Variants in TRIM67 observed in about 807,000 individuals in gnomAD.
TRIM67 encodes the protein tripartite motif-containing protein 67.
TRIM67 carries 39 observed loss-of-function variants against 71.0 expected under a neutral mutation model. That is an observed-to-expected ratio of 0.55 (90% CI 0.43 to 0.72). The LOEUF (loss-of-function observed/expected upper bound fraction) is 0.72. TRIM67 is among the 30% of genes least tolerant of loss of function. The pLI is 0.00. For missense variants in TRIM67, 973 were observed against 1,079.2 expected, an observed-to-expected ratio of 0.90 and a Z score of 1.38; for synonymous variants, 481 against 473.9, an observed-to-expected ratio of 1.01 and a Z score of -0.19.
chr1:231,205,090 A>C (rs1162912418), intron 6 of TRIM67, among the ~76,000 whole-genome samples: 1 of 152,212 alleles, frequency 6.6e-6, no homozygotes, highest in East Asian at 1.9e-4. Context: ...AGTATTTTTG[A>C]AATGGGAAGA....
In TRIM67 at chr1:231,200,205, A is replaced by G. The variant is rs780106863; in HGVS notation, c.1321A>G (p.Met441Val). The G allele has an allele frequency of 6.2e-7, 1 of 1,613,942 alleles. No homozygotes were observed. Among genetic ancestry groups the G allele is most frequent in the South Asian group, 1.1e-5 (1 of 91,068 alleles). Reference protein sequence around the residue: ...TLKLRQSTGLMEYCLEVIKEN... With the variant: ...TLKLRQSTGLVEYCLEVIKEN... ...GAAGCTGCGTCAGTCCACCGGACTG[A>G]TGGAGTACTGCCTGGAGGTGATCAA... The change falls in exon 4 of 10, where the codon ATG (methionine) becomes GTG (valine). Residue 441 changes from methionine (M) to valine (V), a missense_variant. By Grantham distance (21) the Met-to-Val change is conservative (BLOSUM62 1). This residue lies in a region of TRIM67 where 795 missense variants were observed against 831.3 expected (regional missense o/e 0.96). Coordinates refer to ENST00000366653, the MANE Select transcript of TRIM67 (RefSeq NM_001004342.5).
chr1:231,199,095 C>A lies in TRIM67; in HGVS notation c.1189C>A (p.Leu397Ile). The A allele has an allele frequency of 6.2e-7, 1 of 1,614,000 alleles. No individual in the cohort carries two copies. The highest frequency in any genetic ancestry group is 8.5e-7 in the Non-Finnish European group (1 of 1,179,884). ...EACLVAQCDA[L>I]VDALTRQKAK... ...CTGCCTCGTTGCTCAGTGTGATGCCCTTGTGGATGCTTTAACTCGTCAGAA... is the reference window on the plus strand; with the variant it reads ...CTGCCTCGTTGCTCAGTGTGATGCCATTGTGGATGCTTTAACTCGTCAGAA... The change falls in exon 3 of 10, where the codon CTT becomes ATT. Residue 397 changes from leucine (L) to isoleucine (I), a missense_variant. Physicochemically the swap from Leu to Ile is conservative, Grantham distance 5. Around this residue, in one of 2 missense-constraint regions of TRIM67, gnomAD observed 795 missense variants for 831.3 expected, o/e 0.96. Transcript: ENST00000366653.
chr1:231,215,739 T>C lies in TRIM67; in HGVS notation c.*299T>C. 3 of 1,185,820 alleles carry C rather than the reference T, an allele frequency of 2.5e-6. No individual in the cohort carries two copies. Among genetic ancestry groups the C allele is most frequent in the Non-Finnish European group, 3.1e-6 (3 of 957,784 alleles). The allele number at this position is 1,185,820 out of a possible 1,614,324, so 73.5% of individuals were successfully genotyped here. On this transcript the variant is annotated 3_prime_UTR_variant, in exon 10 of 10. Transcript: ENST00000366653. ...TCTCAAGGGAGTCAGCATTCGGGCTTCATGTCTATGTTTCCTGCCATCTGT... is the reference window on the plus strand; with the variant it reads ...TCTCAAGGGAGTCAGCATTCGGGCTCCATGTCTATGTTTCCTGCCATCTGT...
At chr1:231,175,728 C>T (rs572461224) in intron 1 of TRIM67, among the ~76,000 whole-genome samples, 159 of 152,236 alleles carry the variant, frequency 1.0e-3, no homozygotes, top group Non-Finnish European at 1.9e-3. Context: ...GAACAAAGAG[C>T]AGTCAGTGCC....
intron 9 of TRIM67, among the ~76,000 whole-genome samples, chr1:231,214,681 AG>A (rs1683964474): frequency 2.0e-5 from 3 of 147,228 alleles, no homozygotes; most frequent in African/African-American, 7.5e-5. Flanking sequence ...CAGGAGGCTG[AG>A]GTAGGAGAAT....
intron 1 of TRIM67, chr1:231,186,300 C>T (rs1050701007): frequency 8.0e-6 from 6 of 749,880 alleles, no homozygotes; most frequent in Middle Eastern, 7.5e-4. Context: ...CAGGACAAAT[C>T]GGGCCTGACC....
Position 231,219,840 on chromosome 1 carries a change from AG to A in TRIM67, c.*4402del. ...TTGGCAGTTCCTCCCAGAAGATCAAAGGATCCTGCAGCTTTAACCTAATATC... is the reference window on the plus strand; with the variant it reads ...TTGGCAGTTCCTCCCAGAAGATCAAAGATCCTGCAGCTTTAACCTAATATC... On this transcript the variant is annotated 3_prime_UTR_variant, in exon 10 of 10. Transcript: ENST00000366653. The A allele has an allele frequency of 7.8e-7, 1 of 1,287,138 alleles. No homozygotes were observed. The highest frequency in any genetic ancestry group is 1.0e-6 in the Non-Finnish European group (1 of 987,262). The allele number at this position is 1,287,138 out of a possible 1,614,324, so 79.7% of individuals were successfully genotyped here.
chr1:231,179,064 A>G (rs750287563), intron 1 of TRIM67, among the ~76,000 whole-genome samples: 1 of 152,262 alleles, frequency 6.6e-6, no homozygotes, highest in Non-Finnish European at 1.5e-5. Flanking sequence ...TAAGGCTTCC[A>G]TCACAAATTA....
intron 5 of TRIM67, 86 bp from the exon 6 acceptor site, chr1:231,203,781 G>C: frequency 6.7e-7 from 1 of 1,494,774 alleles, no homozygotes; most frequent in Admixed American, 2.0e-5. Context: ...CTGGAGGCCA[G>C]GACCCCTGGG....
chr1:231,180,482 C>T (rs988143539), intron 1 of TRIM67, among the ~76,000 whole-genome samples: 4 of 152,108 alleles, frequency 2.6e-5, no homozygotes, highest in Non-Finnish European at 5.9e-5. Flanking sequence ...TCCCTCCCAG[C>T]GTGCTAGTCT....
At chr1:231,210,449 G>A (rs949407801) in intron 8 of TRIM67, among the ~76,000 whole-genome samples, 4 of 151,450 alleles carry the variant, frequency 2.6e-5, no homozygotes, top group Non-Finnish European at 1.5e-5. Flanking sequence ...TGTAGGCAGG[G>A]CCCCTTCTCT....
intron 9 of TRIM67, 141 bp from the exon 10 acceptor site, chr1:231,215,232 AAC>A: frequency 8.3e-7 from 1 of 1,211,960 alleles, no homozygotes; most frequent in Admixed American, 3.4e-5. Flanking sequence ...CGTAATATTC[AAC>A]AGTCCACAGC....
At position 231,162,800 on chromosome 1, in the gene TRIM67, G is replaced by T. The variant is rs1682323891; in HGVS notation, c.-170G>T. 5 of 803,130 alleles carry T rather than the reference G, an allele frequency of 6.2e-6. No individual in the cohort carries two copies. The highest frequency in any genetic ancestry group is 9.4e-6 in the Non-Finnish European group (5 of 530,852). The allele number at this position is 803,130 out of a possible 1,614,324, so 49.8% of individuals were successfully genotyped here. A position where few individuals can be genotyped will look rare whatever the true frequency, so the allele number is the denominator to read the frequency against. On this transcript the variant is annotated 5_prime_UTR_variant, in exon 1 of 10. Transcript: ENST00000366653. ...GCCCCTCAATCATCTTAGGGCGGTG[G>T]CTACAGGACAGAGAGAGGGGCGTGC...
chr1:231,199,010 C>G lies in TRIM67; in HGVS notation c.1141-37C>G, dbSNP rs371500422. On this transcript the variant is annotated intron_variant, in intron 2 of 9. Transcript: ENST00000366653. ...ATTTTAGCATCTTCCCCCTAAAACT[C>G]TTTGCTTCTTCCCAACCAACCCCCA... 27 of 1,613,412 alleles carry G rather than the reference C, an allele frequency of 1.7e-5. No homozygotes were observed. The African/African-American group carries it at 3.3e-4, about 20-fold the overall frequency.
At chr1:231,179,893 T>C (rs1313958094) in intron 1 of TRIM67, among the ~76,000 whole-genome samples, 1 of 152,114 alleles carries the variant, frequency 6.6e-6, no homozygotes, top group Admixed American at 6.5e-5. Context: ...TAGAGGGCAC[T>C]GGGTAGGGTC....
At position 231,198,661 on chromosome 1, in the gene TRIM67, T is replaced by C. The variant is rs1683438267; in HGVS notation, c.1141-386T>C. ...TTGGCCTCCCAAAGTGCTGGGATTA[T>C]AGGCATGAGCTGCCGCGCCGGGCCT... On this transcript the variant is annotated intron_variant, in intron 2 of 9. Transcript: ENST00000366653. Among the ~76,000 whole-genome samples the C allele has an allele frequency of 2.0e-5, 3 of 152,162 alleles. No homozygotes were observed. The South Asian group carries it at 6.2e-4, about 32-fold the overall frequency.
chr1:231,180,506 C>T lies in TRIM67; in HGVS notation c.1044+16493C>T, dbSNP rs532123831. ...GCGTGCTAGTCTCCCTCTCCTGCAC[C>T]CCCCTTCAGATACTGTTCTACCCTA... On this transcript the variant is annotated intron_variant, in intron 1 of 9. Transcript: ENST00000366653. 7.9e-5 allele frequency among the ~76,000 whole-genome samples: 12 copies of T among 152,200 alleles called. No individual in the cohort carries two copies. In the South Asian group the frequency reaches 2.3e-3, roughly 29 times the overall value.
In TRIM67 at chr1:231,216,479, A is replaced by G; in HGVS notation, c.*1039A>G. ...GCATCCAGATTGCTCTTCTGAGCTGAACCACTCTCAGACTCATAAGCATTT... is the reference window on the plus strand; with the variant it reads ...GCATCCAGATTGCTCTTCTGAGCTGGACCACTCTCAGACTCATAAGCATTT... On this transcript the variant is annotated 3_prime_UTR_variant, in exon 10 of 10. Coordinates refer to ENST00000366653, the MANE Select transcript of TRIM67 (RefSeq NM_001004342.5). The G allele has an allele frequency of 1.0e-6, 1 of 985,504 alleles. No individual in the cohort carries two copies. Among genetic ancestry groups the G allele is most frequent in the Non-Finnish European group, 1.2e-6 (1 of 829,950 alleles). 61.0% of individuals were successfully genotyped at this position (985,504 alleles called of 1,614,324 possible).
chr1:231,174,487 T>C (rs1682695051), intron 1 of TRIM67, among the ~76,000 whole-genome samples: 1 of 152,176 alleles, frequency 6.6e-6, no homozygotes, highest in African/African-American at 2.4e-5. Context: ...TTTTAGTCTT[T>C]TTTCTTTAAT....
Sources: gnomAD v4.1 joint callset for allele counts (sites outside exome capture counted in the v4.1 genomes callset) on GRCh38, gnomAD v4.1.1 for gene constraint, gnomAD v4.1.1 regional missense constraint, MANE v1.5 for transcripts, NCBI Gene and HGNC (gene_info 2026-07-23, HGNC 2026-07-21) for gene names.